Variants in XRCC6 observed in about 807,000 individuals in gnomAD.
XRCC6 encodes X-ray repair cross complementing 6.
A neutral mutation model predicts 65.7 loss-of-function variants in XRCC6; 5 were observed. The observed-to-expected ratio is 0.08, with a 90% CI of 0.04 to 0.16. XRCC6 has a LOEUF of 0.16. XRCC6 is among the 10% of genes least tolerant of loss of function. XRCC6 has a pLI of 1.00. For synonymous variants in XRCC6, 270 were observed against 270.6 expected, an observed-to-expected ratio of 1.00 and a Z score of 0.02; for missense variants, 447 against 738.1, an observed-to-expected ratio of 0.61 and a Z score of 4.57.
intron 2 of XRCC6, among the ~76,000 whole-genome samples, chr22:41,622,615 C>T (rs150772518): frequency 3.1e-4 from 47 of 152,132 alleles, no homozygotes; most frequent in African/African-American, 1.1e-3. Context: ...TAATTTAACT[C>T]CTGAGCAGAA....
At chr22:41,653,801 A>C in intron 9 of XRCC6, 111 bp downstream of exon 9, 1 of 1,340,346 alleles carries the variant, frequency 7.5e-7, no homozygotes, top group South Asian at 1.5e-5. Flanking sequence ...ATGGGGCTTA[A>C]AAATGTCTAT....
chr22:41,661,902 T>G (rs1427421289), intron 12 of XRCC6, among the ~76,000 whole-genome samples: 1 of 152,218 alleles, frequency 6.6e-6, no homozygotes, highest in Non-Finnish European at 1.5e-5. Context: ...GGAGTACTAT[T>G]CGGCCATAAA....
intron 3 of XRCC6, among the ~76,000 whole-genome samples, chr22:41,629,393 A>G (rs747979396): frequency 2.0e-5 from 3 of 152,248 alleles, no homozygotes; most frequent in African/African-American, 4.8e-5. Flanking sequence ...GATACATACT[A>G]CAAAGTAGAT....
At chr22:41,624,454 A>G (rs1205545032) in intron 2 of XRCC6, among the ~76,000 whole-genome samples, 1 of 151,872 alleles carries the variant, frequency 6.6e-6, no homozygotes, top group Admixed American at 6.6e-5. Flanking sequence ...TGGGAGGCCG[A>G]GGCAGGTGGA....
chr22:41,662,745 T>G (rs1249411349), intron 12 of XRCC6, among the ~76,000 whole-genome samples: 2 of 152,146 alleles, frequency 1.3e-5, no homozygotes, highest in African/African-American at 4.8e-5. Context: ...TTTCCTGCAC[T>G]CTCACCCTTC....
intron 12 of XRCC6, among the ~76,000 whole-genome samples, chr22:41,662,693 C>T (rs1353190187): frequency 6.6e-6 from 1 of 152,148 alleles, no homozygotes; most frequent in African/African-American, 2.4e-5. Context: ...TGAATTGCTT[C>T]CAAAACAGTG....
intron 3 of XRCC6, among the ~76,000 whole-genome samples, chr22:41,632,633 G>T (rs1301976904): frequency 6.6e-6 from 1 of 151,722 alleles, no homozygotes; most frequent in Non-Finnish European, 1.5e-5. Flanking sequence ...AATAGTTCTT[G>T]TAGTTGGCAC....
intron 9 of XRCC6, 118 bp downstream of exon 9, chr22:41,653,808 C>G: frequency 1.5e-6 from 2 of 1,293,154 alleles, no homozygotes; most frequent in Non-Finnish European, 1.0e-6. Flanking sequence ...TTAAAAATGT[C>G]TATTTTTAAG....
chr22:41,655,841 G>A (rs7286988), intron 9 of XRCC6, among the ~76,000 whole-genome samples: 3 of 151,490 alleles, frequency 2.0e-5, no homozygotes, highest in Admixed American at 6.6e-5. Context: ...TGTGCTTACC[G>A]ACGTGAGCCA....
At chr22:41,631,383 C>T (rs890781094) in intron 3 of XRCC6, among the ~76,000 whole-genome samples, 16 of 149,044 alleles carry the variant, frequency 1.1e-4, no homozygotes, top group Middle Eastern at 3.6e-3. Context: ...GGGCGGCTCC[C>T]GGACAGAGGG....
intron 2 of XRCC6, among the ~76,000 whole-genome samples, chr22:41,622,428 A>G (rs541626970): frequency 2.6e-5 from 4 of 152,240 alleles, no homozygotes; most frequent in South Asian, 4.1e-4. Flanking sequence ...CAGTGTAAAA[A>G]TGCCCCCACC....
At chr22:41,628,403 C>T (rs950057192) in intron 3 of XRCC6, 173 bp downstream of exon 3, 13 of 498,164 alleles carry the variant, frequency 2.6e-5, no homozygotes, top group Non-Finnish European at 4.6e-5. Flanking sequence ...ACAAAAAATA[C>T]ACAAATCATC....
At chr22:41,640,315 A>AT (rs999698875) in intron 6 of XRCC6, among the ~76,000 whole-genome samples, 2 of 151,432 alleles carry the variant, frequency 1.3e-5, no homozygotes, top group Admixed American at 6.6e-5. Flanking sequence ...CGCCGAGCTG[A>AT]TTTTTTTGTA....
At chr22:41,653,878 C>G (rs1364318444) in intron 9 of XRCC6, among the ~76,000 whole-genome samples, 188 bp downstream of exon 9, 3 of 152,050 alleles carry the variant, frequency 2.0e-5, no homozygotes, top group Non-Finnish European at 4.4e-5. Context: ...TGATGGGGTG[C>G]ACAGCATGCG....
intron 3 of XRCC6, among the ~76,000 whole-genome samples, chr22:41,629,173 G>T (rs5996042): frequency 1.3e-5 from 2 of 152,144 alleles, no homozygotes; most frequent in East Asian, 3.9e-4. Flanking sequence ...AGAAATTGGC[G>T]TGATTGACTG....
intron 8 of XRCC6, 128 bp from the exon 9 acceptor site, chr22:41,653,401 C>A: frequency 1.1e-6 from 1 of 917,894 alleles, no homozygotes; most frequent in Non-Finnish European, 1.6e-6. Flanking sequence ...GAGACCCCGT[C>A]TCAAATAAAT....
intron 7 of XRCC6, among the ~76,000 whole-genome samples, chr22:41,649,766 A>T (rs1051939505): frequency 2.6e-5 from 4 of 151,752 alleles, no homozygotes; most frequent in Non-Finnish European, 4.4e-5. Context: ...GAGGCAGGAG[A>T]ATGGCGTGAA....
chr22:41,628,394 C>CA (rs1255564378), intron 3 of XRCC6, 164 bp downstream of exon 3: 1 of 516,558 alleles, frequency 1.9e-6, no homozygotes. Flanking sequence ...CCCGTCTCTA[C>CA]AAAAAATACA....
chr22:41,657,096 G>T, intron 10 of XRCC6, 64 bp downstream of exon 10: 1 of 1,513,224 alleles, frequency 6.6e-7, no homozygotes, highest in South Asian at 1.4e-5. Context: ...GAAACAGCTT[G>T]GGCATAGGCC....
Sources: allele counts gnomAD v4.1 joint callset (sites outside exome capture counted in the v4.1 genomes callset), GRCh38; gene constraint gnomAD v4.1.1; transcripts MANE v1.5; gene names NCBI Gene and HGNC (gene_info 2026-07-23, HGNC 2026-07-21).